The following OXSR1 variants were observed in gnomAD, a reference collection of about 807,000 sequenced individuals.
OXSR1 encodes serine/threonine-protein kinase OSR1.
A neutral mutation model predicts 79.8 loss-of-function variants in OXSR1; 24 were observed. That is an observed-to-expected ratio of 0.30 (90% confidence interval 0.22 to 0.42). The LOEUF is 0.42. Among genes scored for constraint, OXSR1 ranks in the 10% least tolerant of loss-of-function variants. The pLI, the probability that OXSR1 is intolerant of heterozygous loss-of-function variation, is 1.00. For synonymous variants in OXSR1, 226 were observed against 209.2 expected (o/e 1.08, Z -0.69); for missense variants, 430 against 618.4 (o/e 0.70, Z 3.23).
At chr3:38,237,218 A>C (rs1702937924) in intron 11 of OXSR1, among the ~76,000 whole-genome samples, 1 of 152,196 alleles carries the variant, frequency 6.6e-6, no homozygotes, top group African/African-American at 2.4e-5. Context: ...TGCAAAATAC[A>C]CTGGATAGGA....
In OXSR1 at chr3:38,252,328, T is replaced by C; in HGVS notation, c.1445T>C (p.Val482Ala). 2 of 1,601,722 alleles carry C rather than the reference T, an allele frequency of 1.2e-6. No individual in the cohort carries two copies. Among genetic ancestry groups the C allele is most frequent in the Non-Finnish European group, 8.6e-7 (1 of 1,168,808 alleles). The change falls in exon 17 of 18, where the codon GTG becomes GCG. Residue 482 changes from valine to alanine, a missense_variant and splice_region_variant. Around this residue, in one of 3 missense-constraint regions of OXSR1, gnomAD observed 276 missense variants for 354.2 expected, o/e 0.78. Coordinates refer to ENST00000311806, the MANE Select transcript of OXSR1 (RefSeq NM_005109.3). ...GLVDGRDLVIVAANLQKIVEE... is the reference protein window; with the variant it reads ...GLVDGRDLVIAAANLQKIVEE... ...ACCTTCTCTGTTTGTATGATTACAG[T>C]GGCAGCTAATTTGCAGAAAATTGTG...
intron 1 of OXSR1, among the ~76,000 whole-genome samples, chr3:38,182,547 A>C (rs1466617893): frequency 6.6e-6 from 1 of 152,208 alleles, no homozygotes; most frequent in Non-Finnish European, 1.5e-5. Flanking sequence ...CCAGTTTACA[A>C]GCCTCTCTGG....
intron 1 of OXSR1, among the ~76,000 whole-genome samples, chr3:38,171,666 C>T (rs1009080593): frequency 1.1e-4 from 16 of 140,150 alleles, no homozygotes; most frequent in African/African-American, 3.2e-4. Context: ...ATTCAAAGGA[C>T]TTTTTTTTTT....
rs1702113305 is a variant in OXSR1 at position 38,198,883 on chromosome 3, C to T, written c.434+20C>T. 1.2e-6 allele frequency: 2 copies of T among 1,603,186 alleles called. No homozygotes were observed. Among genetic ancestry groups the T allele is most frequent in the Admixed American group, 1.7e-5 (1 of 59,154 alleles). On this transcript the variant is annotated intron_variant, in intron 4 of 17. Transcript: ENST00000311806. ...CCACAGGTATGTAAAAGACAATACTCTTGTGTTACATCATCTCATTAAGGC... is the reference window on the plus strand; with the variant it reads ...CCACAGGTATGTAAAAGACAATACTTTTGTGTTACATCATCTCATTAAGGC...
Position 38,255,038 on chromosome 3 carries a change from G to A in OXSR1, c.*2147G>A, listed in dbSNP as rs1323657848. Reference sequence around the variant, plus strand: ...TGTGGTAGACTCCCTTTGCTGGCTTGTGCAGTGATACTGAGAAAATACATG... The same window carrying A: ...TGTGGTAGACTCCCTTTGCTGGCTTATGCAGTGATACTGAGAAAATACATG... On this transcript the variant is annotated 3_prime_UTR_variant, in exon 18 of 18. Coordinates refer to ENST00000311806, the MANE Select transcript of OXSR1 (RefSeq NM_005109.3). 1 of 152,676 alleles carries A rather than the reference G, an allele frequency of 6.5e-6. No homozygotes were observed. The highest frequency in any genetic ancestry group is 2.4e-5 in the African/African-American group (1 of 41,460). 9.5% of individuals were successfully genotyped at this position (152,676 alleles called of 1,614,324 possible).
chr3:38,252,174 A>G (rs1703271093), intron 16 of OXSR1, among the ~76,000 whole-genome samples, 154 bp from the exon 17 acceptor site: 1 of 152,204 alleles, frequency 6.6e-6, no homozygotes, highest in Admixed American at 6.5e-5. Flanking sequence ...AGTTTAAAAG[A>G]CACTTTCATT....
At chr3:38,245,251 G>A (rs1054481863) in intron 12 of OXSR1, among the ~76,000 whole-genome samples, 8 of 151,876 alleles carry the variant, frequency 5.3e-5, no homozygotes, top group Non-Finnish European at 4.4e-5. Context: ...CTATTGCATC[G>A]TTTTTTCTCC....
chr3:38,170,522 A>G (rs1701559167), intron 1 of OXSR1, among the ~76,000 whole-genome samples: 1 of 151,458 alleles, frequency 6.6e-6, no homozygotes, highest in East Asian at 1.9e-4. Flanking sequence ...TAGCTCTTGC[A>G]TTTAAGCCTC....
intron 3 of OXSR1, 119 bp downstream of exon 3, chr3:38,190,958 A>G (rs1701970836): frequency 3.0e-6 from 2 of 668,938 alleles, no homozygotes; most frequent in Admixed American, 5.6e-5. Flanking sequence ...GATACTGAAA[A>G]TATAGTATTT....
intron 11 of OXSR1, among the ~76,000 whole-genome samples, chr3:38,241,355 A>G (rs1364403124): frequency 6.6e-6 from 1 of 152,158 alleles, no homozygotes; most frequent in Non-Finnish European, 1.5e-5. Context: ...AGAAACGTGA[A>G]AACTACCTGC....
At chr3:38,175,590 A>G (rs1701662239) in intron 1 of OXSR1, among the ~76,000 whole-genome samples, 1 of 152,150 alleles carries the variant, frequency 6.6e-6, no homozygotes, top group Non-Finnish European at 1.5e-5. Context: ...TGGGAGCCAC[A>G]ATGCCCGGCC....
intron 12 of OXSR1, among the ~76,000 whole-genome samples, chr3:38,244,263 T>C (rs1279726437): frequency 6.6e-6 from 1 of 152,166 alleles, no homozygotes; most frequent in African/African-American, 2.4e-5. Context: ...ATTACTTTGT[T>C]TTTAAATTTG....
chr3:38,246,066 T>A lies in OXSR1; in HGVS notation c.1111-9T>A. 6.2e-7 allele frequency: 1 copy of A among 1,613,558 alleles called. No individual in the cohort carries two copies. Among genetic ancestry groups the A allele is most frequent in the Non-Finnish European group, 8.5e-7 (1 of 1,179,562 alleles). ...AACTTAAGCAACACTGTGTGTGTTT[T>A]TGTTACAGCTCTTTCCAACAACTGA... On this transcript the variant is annotated splice_polypyrimidine_tract_variant and intron_variant, in intron 12 of 17. Transcript: ENST00000311806.
At chr3:38,202,314 C>A (rs1575331542) in intron 4 of OXSR1, among the ~76,000 whole-genome samples, 1 of 152,104 alleles carries the variant, frequency 6.6e-6, no homozygotes, top group African/African-American at 2.4e-5. Flanking sequence ...GAAAGCAAGA[C>A]TTAATGAACA....
intron 8 of OXSR1, among the ~76,000 whole-genome samples, chr3:38,228,503 A>G (rs1434089021): frequency 2.0e-5 from 3 of 152,162 alleles, no homozygotes; most frequent in Non-Finnish European, 4.4e-5. Flanking sequence ...GGAGTTTTAA[A>G]CATTACTAAA....
chr3:38,255,205 G>T lies in OXSR1; in HGVS notation c.*2314G>T, dbSNP rs914442808. 6.6e-6 allele frequency: 1 copy of T among 152,622 alleles called. No homozygotes were observed. Among genetic ancestry groups the T allele is most frequent in the Non-Finnish European group, 1.5e-5 (1 of 68,028 alleles). The allele number at this position is 152,622 out of a possible 1,614,324, so 9.5% of individuals were successfully genotyped here. On this transcript the variant is annotated 3_prime_UTR_variant, in exon 18 of 18. Transcript: ENST00000311806. ...GAGTAGGGACTAACTATAGCACAAA[G>T]TAATATGTGCCAATGCTATTTGTGA...
intron 12 of OXSR1, among the ~76,000 whole-genome samples, chr3:38,243,615 TCTCTTA>T (rs1305577051): frequency 6.6e-6 from 1 of 152,214 alleles, no homozygotes; most frequent in African/African-American, 2.4e-5. Flanking sequence ...TTTTAACACA[TCTCTTA>T]CTCTTAAACC....
intron 7 of OXSR1, 43 bp from the exon 8 acceptor site, chr3:38,224,528 A>C (rs1702652334): frequency 8.6e-6 from 13 of 1,504,244 alleles, no homozygotes; most frequent in Non-Finnish European, 1.2e-5. Flanking sequence ...GTTAAACTTT[A>C]CTGAGTCATC....
At chr3:38,239,633 T>G (rs1482241503) in intron 11 of OXSR1, among the ~76,000 whole-genome samples, 1 of 152,156 alleles carries the variant, frequency 6.6e-6, no homozygotes, top group Non-Finnish European at 1.5e-5. Context: ...GTTTTTGATG[T>G]TTTCCCCCCT....
Sources: gnomAD v4.1 joint callset for allele counts (sites outside exome capture counted in the v4.1 genomes callset) on GRCh38, gnomAD v4.1.1 for gene constraint, gnomAD v4.1.1 regional missense constraint, MANE v1.5 for transcripts, NCBI Gene and HGNC (gene_info 2026-07-23, HGNC 2026-07-21) for gene names.